The following SCHIP1 variants were observed in gnomAD, a reference collection of about 807,000 sequenced individuals.
SCHIP1 encodes the protein schwannomin-interacting protein 1.
In SCHIP1, 8 loss-of-function variants were observed where a neutral mutation model predicts 29.7. The ratio of observed to expected loss-of-function variants is 0.27; its 90% CI spans 0.16 to 0.49. The LOEUF is 0.49. Ranked by LOEUF, SCHIP1 falls within the 20% of genes least tolerant of loss-of-function variation. The pLI is 0.99. For missense variants in SCHIP1, 193 were observed against 294.6 expected, an observed-to-expected ratio of 0.66 and a Z score of 2.52; for synonymous variants, 76 against 94.9, an observed-to-expected ratio of 0.80 and a Z score of 1.16.
the SCHIP1 span, among the ~76,000 whole-genome samples, chr3:159,289,672 A>T: frequency 6.6e-6 from 1 of 152,138 alleles, no homozygotes; most frequent in Non-Finnish European, 1.5e-5. Flanking sequence ...TTCCATTAAA[A>T]CCACAGGAGG....
the SCHIP1 span, chr3:159,764,705 A>G: frequency 2.5e-6 from 4 of 1,577,356 alleles, no homozygotes; most frequent in Non-Finnish European, 3.4e-6. The surrounding 1 kb of genome is among the most constrained non-coding windows in gnomAD (Gnocchi z 6.1). Flanking sequence ...GAGCGCGACC[A>G]GCGAGGGTAC....
chr3:159,596,812 G>T, the SCHIP1 span, among the ~76,000 whole-genome samples: 1 of 152,070 alleles, frequency 6.6e-6, no homozygotes, highest in East Asian at 1.9e-4. Context: ...GTGGGTGGAG[G>T]GGGGAGGGAT....
At chr3:159,634,111 GTAAAT>G in the SCHIP1 span, among the ~76,000 whole-genome samples, 2 of 152,104 alleles carry the variant, frequency 1.3e-5, no homozygotes. Context: ...ATTTTAGGGG[GTAAAT>G]TAGAGAGCTT....
At chr3:159,709,551 A>AT in the SCHIP1 span, among the ~76,000 whole-genome samples, 7 of 152,360 alleles carry the variant, frequency 4.6e-5, no homozygotes, top group Middle Eastern at 3.4e-3. Flanking sequence ...TGAGTCTTCC[A>AT]TTTGATTTAC....
the SCHIP1 span, among the ~76,000 whole-genome samples, chr3:159,505,608 G>T: frequency 6.6e-6 from 1 of 152,134 alleles, no homozygotes; most frequent in Non-Finnish European, 1.5e-5. Context: ...ATCTCCTAAT[G>T]CTATCCCCCT....
chr3:159,468,760 T>TA, the SCHIP1 span, among the ~76,000 whole-genome samples: 4 of 120,798 alleles, frequency 3.3e-5, no homozygotes, highest in South Asian at 2.5e-4. Context: ...TAATATAATA[T>TA]ATATATATAT....
chr3:159,567,879 T>C, the SCHIP1 span, among the ~76,000 whole-genome samples: 36 of 152,160 alleles, frequency 2.4e-4, no homozygotes, highest in South Asian at 8.3e-4. Context: ...TGAAATTGCA[T>C]TGAATTTAGG....
the SCHIP1 span, among the ~76,000 whole-genome samples, chr3:159,566,281 A>G: frequency 6.6e-6 from 1 of 152,200 alleles, no homozygotes. Context: ...TATTTCACAA[A>G]GGTGAAAAGA....
At chr3:159,877,765 A>C (rs577351367) in intron 2 of SCHIP1, among the ~76,000 whole-genome samples, 7 of 152,328 alleles carry the variant, frequency 4.6e-5, no homozygotes, top group African/African-American at 1.7e-4. Flanking sequence ...CAACAGCTGA[A>C]ACTCATCAGC....
At chr3:159,569,564 A>G in the SCHIP1 span, among the ~76,000 whole-genome samples, 1 of 152,116 alleles carries the variant, frequency 6.6e-6, no homozygotes, top group African/African-American at 2.4e-5. Flanking sequence ...TATCTAGTCT[A>G]TCACTGATGG....
At chr3:159,834,154 A>G in the SCHIP1 span, among the ~76,000 whole-genome samples, 5 of 152,306 alleles carry the variant, frequency 3.3e-5, no homozygotes, top group African/African-American at 7.2e-5. Flanking sequence ...CATTTATTCA[A>G]TTGTTTCAAA....
At chr3:159,506,085 A>T in the SCHIP1 span, among the ~76,000 whole-genome samples, 1 of 152,228 alleles carries the variant, frequency 6.6e-6, no homozygotes, top group African/African-American at 2.4e-5. Flanking sequence ...CAATCCCACC[A>T]ACAGTGTAAA....
At chr3:159,502,547 G>T in the SCHIP1 span, among the ~76,000 whole-genome samples, 6 of 151,984 alleles carry the variant, frequency 3.9e-5, no homozygotes, top group Admixed American at 6.6e-5. Flanking sequence ...CAACGTGCAG[G>T]CTTGTTACAT....
At chr3:159,401,669 A>G in the SCHIP1 span, among the ~76,000 whole-genome samples, 1 of 152,184 alleles carries the variant, frequency 6.6e-6, no homozygotes, top group Non-Finnish European at 1.5e-5. Context: ...ACACATTGTG[A>G]GTTACTTATA....
the SCHIP1 span, among the ~76,000 whole-genome samples, chr3:159,510,907 C>T: frequency 6.6e-6 from 1 of 152,222 alleles, no homozygotes; most frequent in African/African-American, 2.4e-5. Flanking sequence ...TTAGGCTACT[C>T]AGGGGTCAGT....
intron 6 of SCHIP1, 128 bp downstream of exon 7, chr3:159,892,318 G>C (rs1373848892): frequency 1.7e-5 from 18 of 1,064,302 alleles, no homozygotes; most frequent in South Asian, 1.1e-4. Context: ...AGCCTTTTCT[G>C]GTGCCAGCTG....
In SCHIP1 at chr3:159,896,808, T is replaced by C. The variant is rs796645589; in HGVS notation, c.*34T>C. The C allele has an allele frequency of 5.0e-6, 8 of 1,584,828 alleles. No individual in the cohort carries two copies. In the African/African-American group the frequency reaches 9.5e-5, roughly 19 times the overall value. ...CATTCAACCAGAGAACAAGCTAGAA[T>C]TTATTTTGCTTCTGTGGTTGTAAAA... On this transcript the variant is annotated 3_prime_UTR_variant, in exon 7 of 7. Coordinates refer to ENST00000445224, the Ensembl canonical transcript of SCHIP1.
the SCHIP1 span, among the ~76,000 whole-genome samples, chr3:159,541,789 C>A: frequency 6.6e-6 from 1 of 152,036 alleles, no homozygotes; most frequent in Admixed American, 6.6e-5. Context: ...ATAGTCCATG[C>A]AGTTTGCCTT....
the SCHIP1 span, among the ~76,000 whole-genome samples, chr3:159,333,140 AT>A: frequency 3.3e-5 from 5 of 152,180 alleles, no homozygotes; most frequent in East Asian, 3.8e-4. Flanking sequence ...ACAAAAGGTT[AT>A]TTTTTTAGTG....
Sources: gnomAD v4.1 joint callset for allele counts (sites outside exome capture counted in the v4.1 genomes callset) on GRCh38, gnomAD v4.1.1 for gene constraint, Gnocchi (gnomAD v3.1) non-coding constraint, MANE v1.5 for transcripts, NCBI Gene and HGNC (gene_info 2026-07-23, HGNC 2026-07-21) for gene names.